Variants in NEDD4L observed in about 807,000 individuals in gnomAD.
NEDD4L encodes the protein E3 ubiquitin-protein ligase NEDD4-like.
In NEDD4L, 54 loss-of-function variants were observed where a neutral mutation model predicts 148.9. The ratio of observed to expected loss-of-function variants is 0.36; its 90% confidence interval spans 0.29 to 0.45. NEDD4L has a LOEUF of 0.45. Among genes scored for constraint, NEDD4L ranks in the 20% least tolerant of loss-of-function variants. The pLI, the probability that NEDD4L is intolerant of heterozygous loss-of-function variation, is 1.00. For synonymous variants in NEDD4L, 433 were observed against 440.7 expected, an observed-to-expected ratio of 0.98 and a Z score of 0.22; for missense variants, 856 against 1,233.8, an observed-to-expected ratio of 0.69 and a Z score of 4.59.
chr18:58,166,637 G>C (rs368494239), intron 2 of NEDD4L, among the ~76,000 whole-genome samples: 1 of 152,204 alleles, frequency 6.6e-6, no homozygotes, highest in African/African-American at 2.4e-5. Flanking sequence ...TAAACTACCC[G>C]TGCAGGTCAC....
rs575954035 is a variant in NEDD4L, at chr18:58,131,456, T to C, written c.49-34332T>C. On this transcript the variant is annotated intron_variant, in intron 1 of 30. Coordinates refer to ENST00000400345, the MANE Select transcript of NEDD4L (RefSeq NM_001144967.3). The stretch of plus-strand genomic sequence containing the variant: ...TGGTTGTGATCTAGCAGAACTGTGG[T>C]GGTGTTGGGCTCTGTTGGGGTTTGG... 1.0e-3 allele frequency among the ~76,000 whole-genome samples: 149 copies of C among 146,476 alleles called. 1 individual carries two copies. Among genetic ancestry groups the C allele is most frequent in the Non-Finnish European group, 1.7e-3 (113 of 66,612 alleles).
intron 5 of NEDD4L, among the ~76,000 whole-genome samples, chr18:58,281,899 C>T (rs957434825): frequency 6.6e-6 from 1 of 151,788 alleles, no homozygotes; most frequent in Non-Finnish European, 1.5e-5. Flanking sequence ...GTGGCAGTCA[C>T]CTGTAGTCCC....
At chr18:58,071,710 G>T (rs1004323254) in intron 1 of NEDD4L, among the ~76,000 whole-genome samples, 20 of 152,194 alleles carry the variant, frequency 1.3e-4, no homozygotes, top group Non-Finnish European at 2.2e-4. Context: ...AAGGAAAGAG[G>T]TTTAATTGAC....
At chr18:58,322,365 T>G (rs1418903301) in intron 6 of NEDD4L, 60 bp from the exon 7 acceptor site, 15 of 1,142,408 alleles carry the variant, frequency 1.3e-5, no homozygotes, top group Non-Finnish European at 1.9e-5. Flanking sequence ...CAGTTGCCTG[T>G]ATCTAAAACA....
At chr18:58,388,961 A>G (rs1277549271) in intron 27 of NEDD4L, 124 bp from the exon 28 acceptor site, 2 of 745,440 alleles carry the variant, frequency 2.7e-6, no homozygotes, top group Admixed American at 2.0e-5. Flanking sequence ...CTCTGTTGTT[A>G]TGATTTGCTA....
In NEDD4L at chr18:58,320,196, G is replaced by C. The variant is rs145595694; in HGVS notation, c.349-2229G>C. 1.6e-4 allele frequency among the ~76,000 whole-genome samples: 25 copies of C among 152,202 alleles called. 1 individual carries two copies. In the East Asian group the frequency reaches 4.3e-3, roughly 26 times the overall value. On this transcript the variant is annotated intron_variant, in intron 6 of 30. Coordinates refer to ENST00000400345, the MANE Select transcript of NEDD4L (RefSeq NM_001144967.3). The stretch of plus-strand genomic sequence containing the variant: ...TGCTCCTAGATTGCTCATGCCCACT[G>C]GTGATCCTGTAGGCTTTGTCATACT...
At chr18:58,347,563 A>T (rs1163941712) in intron 16 of NEDD4L, among the ~76,000 whole-genome samples, 2 of 152,114 alleles carry the variant, frequency 1.3e-5, no homozygotes, top group East Asian at 3.8e-4. Context: ...CTCAATCCTA[A>T]ATCAGCTTAG....
At chr18:58,379,963 C>A (rs1010770060) in intron 24 of NEDD4L, among the ~76,000 whole-genome samples, 5 of 152,028 alleles carry the variant, frequency 3.3e-5, no homozygotes, top group African/African-American at 7.3e-5. Flanking sequence ...CAGAGAAACC[C>A]AGGGTCAGAA....
At chr18:58,329,168 T>C (rs759296669) in intron 10 of NEDD4L, 41 bp downstream of exon 10, 3 of 1,599,108 alleles carry the variant, frequency 1.9e-6, no homozygotes, top group South Asian at 1.1e-5. Flanking sequence ...GGCAGCTCCT[T>C]CTTCCCATGT....
chr18:58,257,366 C>A (rs1376489181), intron 5 of NEDD4L, among the ~76,000 whole-genome samples: 1 of 152,038 alleles, frequency 6.6e-6, no homozygotes, highest in Non-Finnish European at 1.5e-5. Context: ...TTAAGTAATA[C>A]TGAACGAGAG....
In NEDD4L at chr18:58,100,270, G is replaced by A. The variant is rs531085559; in HGVS notation, c.48+55562G>A. ...ATTAAGGCCCCTTAACATCATGGCC[G>A]ATTCTGAAATTACCTCTGAAAGTTG... is the stretch of plus-strand genomic sequence containing the variant. On this transcript the variant is annotated intron_variant, in intron 1 of 30. Transcript: ENST00000400345. Among the ~76,000 whole-genome samples, 12 of 152,268 alleles carry A rather than the reference G, an allele frequency of 7.9e-5. No homozygotes were observed. The South Asian group carries it at 2.1e-3, about 26-fold the overall frequency.
At chr18:58,368,918 G>A (rs1406539609) in intron 22 of NEDD4L, among the ~76,000 whole-genome samples, 2 of 152,212 alleles carry the variant, frequency 1.3e-5, no homozygotes, top group Non-Finnish European at 2.9e-5. Flanking sequence ...AACTTTCTCA[G>A]AAGGTCAGTT....
chr18:58,186,505 C>T (rs758420657), intron 2 of NEDD4L, among the ~76,000 whole-genome samples: 1 of 152,156 alleles, frequency 6.6e-6, no homozygotes, highest in Non-Finnish European at 1.5e-5. Flanking sequence ...TTCACACTCC[C>T]AGCAGATCAT....
chr18:58,252,354 T>G (rs2148512372), intron 5 of NEDD4L, among the ~76,000 whole-genome samples: 1 of 152,352 alleles, frequency 6.6e-6, no homozygotes, highest in African/African-American at 2.4e-5. Flanking sequence ...TACAGAACGG[T>G]AGGCAGATCT....
intron 2 of NEDD4L, among the ~76,000 whole-genome samples, chr18:58,204,327 C>CA (rs887691978): frequency 0.032 from 4,593 of 143,800 alleles, 244 homozygotes; most frequent in African/African-American, 0.11. Flanking sequence ...GACTCCTTCT[C>CA]AAAAAAAAAA....
Position 58,361,275 on chromosome 18 carries a change from A to G in NEDD4L, c.1768-2993A>G, listed in dbSNP as rs527447592. 3.9e-5 allele frequency among the ~76,000 whole-genome samples: 6 copies of G among 152,280 alleles called. No homozygotes were observed. In the South Asian group the frequency reaches 6.2e-4, roughly 16 times the overall value. ...TTCTAAGTAGGCCTAGCGTTTCTAC[A>G]TATTTTTAGGGAGAGGGGACCCTTT... On this transcript the variant is annotated intron_variant, in intron 19 of 30. Coordinates refer to ENST00000400345, the MANE Select transcript of NEDD4L (RefSeq NM_001144967.3).
chr18:58,249,109 C>T (rs1174410658), intron 4 of NEDD4L, among the ~76,000 whole-genome samples, 172 bp downstream of exon 4: 1 of 152,168 alleles, frequency 6.6e-6, no homozygotes, highest in Non-Finnish European at 1.5e-5. Context: ...AAGTAGTGGT[C>T]ACAGAATCCG....
Position 58,044,565 on chromosome 18 carries a change from G to T in NEDD4L, c.-96G>T. 7.1e-7 allele frequency: 1 copy of T among 1,407,380 alleles called. No individual in the cohort carries two copies. Among genetic ancestry groups the T allele is most frequent in the South Asian group, 1.6e-5 (1 of 61,096 alleles). The allele number at this position is 1,407,380 out of a possible 1,614,324, so 87.2% of individuals were successfully genotyped here. ...AGGGCGTGCGCAGGGTAGGGTGCGGGACCGGGGGGACCTGGAGGCAGAGGG... is the reference window on the plus strand; with the variant it reads ...AGGGCGTGCGCAGGGTAGGGTGCGGTACCGGGGGGACCTGGAGGCAGAGGG... On this transcript the variant is annotated 5_prime_UTR_variant, in exon 1 of 31. Coordinates refer to ENST00000400345, the MANE Select transcript of NEDD4L (RefSeq NM_001144967.3).
chr18:58,284,855 G>GA (rs1376106088), intron 5 of NEDD4L, among the ~76,000 whole-genome samples: 15 of 152,302 alleles, frequency 9.8e-5, no homozygotes, highest in African/African-American at 3.4e-4. Context: ...GGGCTATGTG[G>GA]AAAGCGTGTG....
Sources: gnomAD v4.1 joint callset for allele counts (sites outside exome capture counted in the v4.1 genomes callset) on GRCh38, gnomAD v4.1.1 for gene constraint, MANE v1.5 for transcripts, NCBI Gene and HGNC (gene_info 2026-07-23, HGNC 2026-07-21) for gene names.